SNX29: variants seen among roughly 807,000 people sequenced by gnomAD.
SNX29 encodes sorting nexin-29.
A neutral mutation model predicts 102.1 loss-of-function variants in SNX29; 78 were observed. That is an observed-to-expected ratio of 0.76 (90% confidence interval 0.64 to 0.92). SNX29 has a LOEUF of 0.92. Ranked by LOEUF, SNX29 falls within the 40% of genes least tolerant of loss-of-function variation. SNX29 has a pLI of 0.00. For missense variants in SNX29, 1,280 were observed against 1,061.7 expected (o/e 1.21, Z -2.86); for synonymous variants, 580 against 414.5 (o/e 1.40, Z -4.85).
chr16:12,328,525 A>C (rs1381439353), intron 15 of SNX29, among the ~76,000 whole-genome samples: 1 of 152,170 alleles, frequency 6.6e-6, no homozygotes, highest in Non-Finnish European at 1.5e-5. Flanking sequence ...GGCTGTGGGC[A>C]GGAGGACTTC....
At chr16:12,173,292 A>T (rs1482340459) in intron 13 of SNX29, among the ~76,000 whole-genome samples, 1 of 152,204 alleles carries the variant, frequency 6.6e-6, no homozygotes, top group Non-Finnish European at 1.5e-5. Context: ...GAGCAATGTT[A>T]TATTCCCTGA....
chr16:12,508,261 C>T (rs964988701), intron 19 of SNX29, among the ~76,000 whole-genome samples: 18 of 152,278 alleles, frequency 1.2e-4, no homozygotes, highest in African/African-American at 3.1e-4. Flanking sequence ...GGCCCTGCTC[C>T]GGAGGGCGAG....
At chr16:12,418,551 G>C (rs1048719318) in intron 18 of SNX29, among the ~76,000 whole-genome samples, 1 of 150,952 alleles carries the variant, frequency 6.6e-6, no homozygotes, top group East Asian at 2.0e-4. Flanking sequence ...GTCTCACTCT[G>C]TTGTCCAGGC....
At chr16:12,196,662 C>T (rs1345262790) in intron 13 of SNX29, among the ~76,000 whole-genome samples, 3 of 135,398 alleles carry the variant, frequency 2.2e-5, no homozygotes, top group African/African-American at 5.4e-5. Context: ...CACTCTGTTG[C>T]GAGGCTGGAG....
chr16:12,357,855 A>G (rs1175420989), intron 16 of SNX29, among the ~76,000 whole-genome samples: 1 of 152,206 alleles, frequency 6.6e-6, no homozygotes, highest in Non-Finnish European at 1.5e-5. Context: ...TTTGCCTTAC[A>G]GAGGTTTTCA....
intron 15 of SNX29, among the ~76,000 whole-genome samples, chr16:12,308,982 G>GT (rs1301716474): frequency 6.6e-6 from 1 of 152,178 alleles, no homozygotes; most frequent in Non-Finnish European, 1.5e-5. Context: ...AACATAAATG[G>GT]TTATGGCAGA....
chr16:12,471,742 G>C (rs2087350904), intron 18 of SNX29, among the ~76,000 whole-genome samples: 1 of 152,248 alleles, frequency 6.6e-6, no homozygotes, highest in Non-Finnish European at 1.5e-5. Flanking sequence ...ATACAATCAG[G>C]TGTATCAATC....
intron 3 of SNX29, among the ~76,000 whole-genome samples, chr16:12,003,930 C>G (rs531349067): frequency 6.6e-6 from 1 of 152,090 alleles, no homozygotes; most frequent in African/African-American, 2.4e-5. Context: ...TCGCTTGAAC[C>G]CAGGCTAATT....
Position 12,570,795 on chromosome 16 carries a change from G to A in SNX29, c.*2166G>A, listed in dbSNP as rs1051366831. The A allele has an allele frequency of 4.3e-6, 1 of 232,278 alleles. No individual in the cohort carries two copies. Among genetic ancestry groups the A allele is most frequent in the Non-Finnish European group, 8.5e-6 (1 of 117,540 alleles). The allele number at this position is 232,278 out of a possible 1,614,324, so 14.4% of individuals were successfully genotyped here. A position where few individuals can be genotyped will look rare whatever the true frequency, so the allele number is the denominator to read the frequency against. The stretch of plus-strand genomic sequence containing the variant: ...GATAATAATGCAACAGTCCCCCATT[G>A]CTGAGAGATACTAACCCGTGAGAAA... On this transcript the variant is annotated 3_prime_UTR_variant, in exon 21 of 21. Coordinates refer to ENST00000566228, the MANE Select transcript of SNX29 (RefSeq NM_032167.5).
Position 12,572,699 on chromosome 16 carries a change from G to C in SNX29, c.*4070G>C, listed in dbSNP as rs551308986. 22 of 1,063,536 alleles carry C rather than the reference G, an allele frequency of 2.1e-5. 1 individual carries two copies. The highest frequency in any genetic ancestry group is 1.0e-4 in the East Asian group (2 of 19,906). The allele number at this position is 1,063,536 out of a possible 1,614,324, so 65.9% of individuals were successfully genotyped here. On this transcript the variant is annotated 3_prime_UTR_variant, in exon 21 of 21. Transcript: ENST00000566228. The stretch of plus-strand genomic sequence containing the variant: ...ACGGGGGAAGCCCTGCACTCCAGCA[G>C]CATCTTCCAGCCTTGGCACAGAACT...
intron 20 of SNX29, among the ~76,000 whole-genome samples, chr16:12,562,335 TTC>T (rs1287019210): frequency 6.6e-6 from 1 of 152,062 alleles, no homozygotes; most frequent in African/African-American, 2.4e-5. Context: ...GCAGGGCAGA[TTC>T]TGTGATTTCC....
At chr16:12,351,344 G>A (rs946362606) in intron 15 of SNX29, among the ~76,000 whole-genome samples, 1 of 152,024 alleles carries the variant, frequency 6.6e-6, no homozygotes, top group Non-Finnish European at 1.5e-5. Context: ...GCCTGAAAAC[G>A]GGTTGTGAGT....
In SNX29 at chr16:12,308,740, C is replaced by T. The variant is rs2080432120; in HGVS notation, c.1782+30704C>T. Among the ~76,000 whole-genome samples, 4 of 152,092 alleles carry T rather than the reference C, an allele frequency of 2.6e-5. No homozygotes were observed. In the South Asian group the frequency reaches 6.2e-4, roughly 24 times the overall value. ...TTTCTAGATGGGTACAAATTAAACACGAGTCCATCAGTTTCTCAGCTGGAG... is the reference window on the plus strand; with the variant it reads ...TTTCTAGATGGGTACAAATTAAACATGAGTCCATCAGTTTCTCAGCTGGAG... On this transcript the variant is annotated intron_variant, in intron 15 of 20. Transcript: ENST00000566228.
chr16:12,287,874 C>A (rs917988737), intron 15 of SNX29, among the ~76,000 whole-genome samples: 1 of 152,138 alleles, frequency 6.6e-6, no homozygotes, highest in Non-Finnish European at 1.5e-5. Flanking sequence ...GGTTGTTGAT[C>A]CTAGAGAATT....
chr16:12,132,376 A>C (rs2054501759), intron 13 of SNX29, among the ~76,000 whole-genome samples: 1 of 152,194 alleles, frequency 6.6e-6, no homozygotes, highest in African/African-American at 2.4e-5. Flanking sequence ...CTTGGATTAC[A>C]GGCGTGAGCC....
chr16:12,351,479 A>C (rs1567467370), intron 15 of SNX29, among the ~76,000 whole-genome samples: 2 of 152,240 alleles, frequency 1.3e-5, no homozygotes, highest in African/African-American at 2.4e-5. Context: ...TAATTAATCA[A>C]GAAGCATCTA....
chr16:12,496,201 C>T (rs8062067), intron 19 of SNX29, among the ~76,000 whole-genome samples: 3 of 152,126 alleles, frequency 2.0e-5, no homozygotes, highest in Non-Finnish European at 4.4e-5. Context: ...GCAGTGTGAG[C>T]GCCCTAAAAT....
chr16:12,346,058 T>C (rs576965636), intron 15 of SNX29, among the ~76,000 whole-genome samples: 1 of 151,678 alleles, frequency 6.6e-6, no homozygotes, highest in African/African-American at 2.4e-5. Flanking sequence ...CATCATGCAA[T>C]CTAGTTTGTA....
intron 14 of SNX29, among the ~76,000 whole-genome samples, chr16:12,242,778 C>A (rs1394927633): frequency 6.6e-6 from 1 of 152,028 alleles, no homozygotes; most frequent in East Asian, 1.9e-4. Context: ...CTCAGCCCCA[C>A]CCTGAGTAGC....
Sources: gnomAD v4.1 joint callset for allele counts (sites outside exome capture counted in the v4.1 genomes callset) on GRCh38, gnomAD v4.1.1 for gene constraint, MANE v1.5 for transcripts, NCBI Gene and HGNC (gene_info 2026-07-23, HGNC 2026-07-21) for gene names.